GUCA2B: variants seen among roughly 807,000 people sequenced by gnomAD.
GUCA2B encodes the protein prepro-uroguanylin.
Under a neutral mutation model 11.1 loss-of-function variants are expected in GUCA2B, and 7 were observed. That is an observed-to-expected ratio of 0.63 (90% CI 0.36 to 1.18). The LOEUF is 1.18. GUCA2B is among the 50% of genes most tolerant of loss of function. The probability of loss-of-function intolerance (pLI) is 0.02; values close to 1 mark genes in which losing one functional copy is unlikely to be tolerated. For missense variants in GUCA2B, 140 were observed against 142.5 expected (o/e 0.98, Z 0.09); for synonymous variants, 69 against 65.3 (o/e 1.06, Z -0.27).
rs751601824 is a variant in GUCA2B at position 42,153,543 on chromosome 1, G to A, written c.90+3G>A. The A allele has an allele frequency of 2.5e-6, 4 of 1,603,620 alleles. No individual in the cohort carries two copies. Among genetic ancestry groups the A allele is most frequent in the Middle Eastern group, 1.7e-4 (1 of 6,060 alleles). On this transcript the variant is annotated splice_donor_region_variant and intron_variant, in intron 1 of 2. Coordinates refer to ENST00000372581, the MANE Select transcript of GUCA2B (RefSeq NM_007102.3). Reference sequence around the variant, plus strand: ...GCACACAGTCAGTCTACATCCAGGTGAGTCCCTTGGCCAGCGTTCCCTTTG... The same window carrying A: ...GCACACAGTCAGTCTACATCCAGGTAAGTCCCTTGGCCAGCGTTCCCTTTG...
intron 2 of GUCA2B, 81 bp downstream of exon 2, chr1:42,154,947 G>A (rs1344845406): frequency 5.5e-6 from 6 of 1,091,332 alleles, no homozygotes; most frequent in South Asian, 1.5e-5. Flanking sequence ...TTTCTCTTAA[G>A]CACCCAGCGG....
At chr1:42,155,091 A>C (rs1252524264) in intron 2 of GUCA2B, among the ~76,000 whole-genome samples, 1 of 152,154 alleles carries the variant, frequency 6.6e-6, no homozygotes, top group Non-Finnish European at 1.5e-5. Flanking sequence ...CAGACCCATC[A>C]ACAGACAATG....
chr1:42,154,874 C>T lies in GUCA2B; in HGVS notation c.277+8C>T. 6.3e-7 allele frequency: 1 copy of T among 1,599,842 alleles called. No individual in the cohort carries two copies. The highest frequency in any genetic ancestry group is 1.1e-5 in the South Asian group (1 of 89,744). ...GCATCTTCAAGACCCTGAGTAAGTGCCCCCGCTCCCTGCAGAACCTCGCTC... is the reference window on the plus strand; with the variant it reads ...GCATCTTCAAGACCCTGAGTAAGTGTCCCCGCTCCCTGCAGAACCTCGCTC... On this transcript the variant is annotated splice_region_variant and intron_variant, in intron 2 of 2. Transcript: ENST00000372581.
At chr1:42,153,941 T>C (rs1221751287) in intron 1 of GUCA2B, among the ~76,000 whole-genome samples, 4 of 152,180 alleles carry the variant, frequency 2.6e-5, no homozygotes, top group Non-Finnish European at 5.9e-5. Context: ...TCCTGAGAAG[T>C]AACCCTTGAG....
chr1:42,154,533 G>T, intron 1 of GUCA2B, 147 bp from the exon 2 acceptor site: 1 of 680,108 alleles, frequency 1.5e-6, no homozygotes, highest in Non-Finnish European at 2.7e-6. Context: ...CACCGCAGCG[G>T]CTCTTTCCAG....
chr1:42,154,874 C>A lies in GUCA2B; in HGVS notation c.277+8C>A. The A allele has an allele frequency of 1.3e-6, 2 of 1,599,838 alleles. No homozygotes were observed. The highest frequency in any genetic ancestry group is 1.7e-6 in the Non-Finnish European group (2 of 1,170,268). ...GCATCTTCAAGACCCTGAGTAAGTG[C>A]CCCCGCTCCCTGCAGAACCTCGCTC... On this transcript the variant is annotated splice_region_variant and intron_variant, in intron 2 of 2. Transcript: ENST00000372581.
Position 42,153,633 on chromosome 1 carries a change from G to A in GUCA2B, c.90+93G>A, listed in dbSNP as rs565035634. On this transcript the variant is annotated intron_variant, in intron 1 of 2. Coordinates refer to ENST00000372581, the MANE Select transcript of GUCA2B (RefSeq NM_007102.3). ...TGTACTGGGAATTCAGAGGGGCACC[G>A]GGGGAGCACGGGGCCCGGGGCTCAG... is the stretch of plus-strand genomic sequence containing the variant. 4.0e-4 allele frequency: 347 copies of A among 873,228 alleles called. 3 individuals are homozygous for A. Among genetic ancestry groups the A allele is most frequent in the African/African-American group, 4.8e-4 (29 of 60,398 alleles). 54.1% of individuals were successfully genotyped at this position (873,228 alleles called of 1,614,324 possible).
In GUCA2B at chr1:42,154,755, C is replaced by T. The variant is rs774560537; in HGVS notation, c.166C>T (p.Arg56Cys). Residue 56 changes from arginine to cysteine, a missense_variant, in exon 2 of 3, where the codon CGC becomes TGC. Arg to Cys is a radical substitution (Grantham distance 180). Coordinates refer to ENST00000372581, the MANE Select transcript of GUCA2B (RefSeq NM_007102.3). ...DLEAQWAPSPRLQAQSLLPAV... is the reference protein window; with the variant it reads ...DLEAQWAPSPCLQAQSLLPAV... ...GGAGGCACAGTGGGCACCCAGCCCC[C>T]GCCTGCAGGCCCAGAGCCTCCTGCC... 7.4e-6 allele frequency: 12 copies of T among 1,613,792 alleles called. No individual in the cohort carries two copies. The highest frequency in any genetic ancestry group is 6.7e-5 in the African/African-American group (5 of 74,946).
chr1:42,153,468 A>T lies in GUCA2B; in HGVS notation c.18A>T (p.Ala6=), dbSNP rs1047047. Reference sequence around the variant, plus strand: ...GGAGCGCGATGGGCTGCAGGGCTGCATCAGGGCTCCTGCCAGGAGTGGCCG... The same window carrying T: ...GGAGCGCGATGGGCTGCAGGGCTGCTTCAGGGCTCCTGCCAGGAGTGGCCG... MGCRA[A]SGLLPGVAVV... Residue 6 remains alanine, a synonymous_variant, in exon 1 of 3, where the codon GCA becomes GCT. Transcript: ENST00000372581. 2 of 1,611,500 alleles carry T rather than the reference A, an allele frequency of 1.2e-6. No homozygotes were observed. Among genetic ancestry groups the T allele is most frequent in the African/African-American group, 1.3e-5 (1 of 74,946 alleles).
chr1:42,155,050 C>A (rs986092486), intron 2 of GUCA2B, among the ~76,000 whole-genome samples, 184 bp downstream of exon 2: 8 of 152,206 alleles, frequency 5.3e-5, no homozygotes, highest in African/African-American at 1.9e-4. Flanking sequence ...ATGCCTGGAA[C>A]CTGCTTCGTC....
chr1:42,154,663 C>T lies in GUCA2B; in HGVS notation c.91-17C>T. The T allele has an allele frequency of 6.2e-7, 1 of 1,610,614 alleles. No homozygotes were observed. Among genetic ancestry groups the T allele is most frequent in the African/African-American group, 1.3e-5 (1 of 75,006 alleles). Reference sequence around the variant, plus strand: ...CCAGGTCTTGACCTGCTCCTATCTCCTCTCCCCTGTCTGTAGTACCAAGGC... The same window carrying T: ...CCAGGTCTTGACCTGCTCCTATCTCTTCTCCCCTGTCTGTAGTACCAAGGC... On this transcript the variant is annotated splice_polypyrimidine_tract_variant and intron_variant, in intron 1 of 2. Coordinates refer to ENST00000372581, the MANE Select transcript of GUCA2B (RefSeq NM_007102.3).
intron 2 of GUCA2B, 91 bp downstream of exon 2, chr1:42,154,957 G>A (rs1162995514): frequency 4.0e-6 from 4 of 996,322 alleles, no homozygotes; most frequent in African/African-American, 3.2e-5. Flanking sequence ...GCACCCAGCG[G>A]CTGAGGATGG....
chr1:42,155,468 C>G (rs1028771460), intron 2 of GUCA2B, 67 bp from the exon 3 acceptor site: 18 of 1,265,378 alleles, frequency 1.4e-5, no homozygotes, highest in Non-Finnish European at 2.0e-5. Flanking sequence ...CCCAAGCAGA[C>G]CTCTTCTGCT....
In GUCA2B at chr1:42,153,549, C is replaced by T; in HGVS notation, c.90+9C>T. ...AGTCAGTCTACATCCAGGTGAGTCC[C>T]TTGGCCAGCGTTCCCTTTGCCTGAA... On this transcript the variant is annotated intron_variant, in intron 1 of 2. Coordinates refer to ENST00000372581, the MANE Select transcript of GUCA2B (RefSeq NM_007102.3). 2 of 1,597,080 alleles carry T rather than the reference C, an allele frequency of 1.3e-6. No individual in the cohort carries two copies. The highest frequency in any genetic ancestry group is 1.1e-5 in the South Asian group (1 of 90,576).
chr1:42,155,653 C>G lies in GUCA2B; in HGVS notation c.*57C>G. The G allele has an allele frequency of 7.5e-7, 1 of 1,340,230 alleles. No homozygotes were observed. The highest frequency in any genetic ancestry group is 1.1e-6 in the Non-Finnish European group (1 of 929,600). The allele number at this position is 1,340,230 out of a possible 1,614,324, so 83.0% of individuals were successfully genotyped here. ...ACACCTCGCCCTTCAGCCCACCACC[C>G]TGGCAGGCTTCCATCCCCGTCCATG... On this transcript the variant is annotated 3_prime_UTR_variant, in exon 3 of 3. Coordinates refer to ENST00000372581, the MANE Select transcript of GUCA2B (RefSeq NM_007102.3).
rs1311263998 is a variant in GUCA2B at position 42,155,687 on chromosome 1, G to A, written c.*91G>A. On this transcript the variant is annotated 3_prime_UTR_variant, in exon 3 of 3. Transcript: ENST00000372581. The stretch of plus-strand genomic sequence containing the variant: ...TTCCATCCCCGTCCATGCTCAAGAT[G>A]GGTCCCTGGCCACCATGGTCATCAC... 4.1e-6 allele frequency: 4 copies of A among 982,184 alleles called. No homozygotes were observed. The highest frequency in any genetic ancestry group is 1.6e-5 in the African/African-American group (1 of 63,030). 60.8% of individuals were successfully genotyped at this position (982,184 alleles called of 1,614,324 possible).
In GUCA2B at chr1:42,155,524, T is replaced by G. The variant is rs1646105001; in HGVS notation, c.278-11T>G. 6.2e-7 allele frequency: 1 copy of G among 1,612,722 alleles called. No homozygotes were observed. Among genetic ancestry groups the G allele is most frequent in the Non-Finnish European group, 8.5e-7 (1 of 1,178,780 alleles). On this transcript the variant is annotated splice_polypyrimidine_tract_variant and intron_variant, in intron 2 of 2. Coordinates refer to ENST00000372581, the MANE Select transcript of GUCA2B (RefSeq NM_007102.3). Reference sequence around the variant, plus strand: ...GGTTCAGGTCAACTGACCAGTTCTCTCCCTGCCCAGGGACCATCGCTAACG... The same window carrying G: ...GGTTCAGGTCAACTGACCAGTTCTCGCCCTGCCCAGGGACCATCGCTAACG...
chr1:42,154,903 C>G (rs758182030), intron 2 of GUCA2B, 37 bp downstream of exon 2: 1 of 1,521,786 alleles, frequency 6.6e-7, no homozygotes, highest in East Asian at 2.3e-5. Context: ...CTCGCTCTGT[C>G]TCCTCCCACG....
At position 42,154,662 on chromosome 1, in the gene GUCA2B, C is replaced by T. The variant is rs1354255830; in HGVS notation, c.91-18C>T. 1 of 1,610,200 alleles carries T rather than the reference C, an allele frequency of 6.2e-7. No individual in the cohort carries two copies. Among genetic ancestry groups the T allele is most frequent in the Admixed American group, 1.7e-5 (1 of 60,016 alleles). ...ACCAGGTCTTGACCTGCTCCTATCT[C>T]CTCTCCCCTGTCTGTAGTACCAAGG... On this transcript the variant is annotated intron_variant, in intron 1 of 2. Coordinates refer to ENST00000372581, the MANE Select transcript of GUCA2B (RefSeq NM_007102.3).
Sources: allele counts gnomAD v4.1 joint callset (sites outside exome capture counted in the v4.1 genomes callset), GRCh38; gene constraint gnomAD v4.1.1; transcripts MANE v1.5; gene names NCBI Gene and HGNC (gene_info 2026-07-23, HGNC 2026-07-21).